Variants in CACNA1B observed in about 807,000 individuals in gnomAD.
CACNA1B encodes calcium voltage-gated channel subunit alpha1 B, also known as voltage-dependent N-type calcium channel subunit alpha-1B.
A neutral mutation model predicts 247.2 loss-of-function variants in CACNA1B; 70 were observed. That is an observed-to-expected ratio of 0.28 (90% CI 0.23 to 0.35). The LOEUF (loss-of-function observed/expected upper bound fraction) is 0.35. Ranked by LOEUF, CACNA1B falls within the 10% of genes least tolerant of loss-of-function variation. The pLI is 1.00. For synonymous variants in CACNA1B, 1,231 were observed against 1,294.4 expected (o/e 0.95, Z 1.05); for missense variants, 2,367 against 3,197.4 (o/e 0.74, Z 6.26).
intron 42 of CACNA1B, 34 bp from the exon 43 acceptor site, chr9:138,117,912 C>T (rs200913308): frequency 6.6e-7 from 1 of 1,525,420 alleles, no homozygotes; most frequent in Non-Finnish European, 8.9e-7. Context: ...CAGTCTCTGA[C>T]CCTACAGGAA....
intron 19 of CACNA1B, among the ~76,000 whole-genome samples, chr9:138,024,422 C>A (rs1356042269): frequency 1.3e-5 from 2 of 152,224 alleles, no homozygotes; most frequent in Non-Finnish European, 2.9e-5. Flanking sequence ...CCGCTGGAGG[C>A]CCCAGCCCAG....
chr9:138,083,447 C>T (rs953283678), intron 36 of CACNA1B, among the ~76,000 whole-genome samples: 1 of 150,894 alleles, frequency 6.6e-6, no homozygotes, highest in African/African-American at 2.5e-5. Context: ...CTTGGCCACT[C>T]AGAGCGGTCA....
intron 5 of CACNA1B, among the ~76,000 whole-genome samples, chr9:137,916,916 G>A (rs531057375): frequency 3.3e-5 from 5 of 152,122 alleles, no homozygotes; most frequent in Admixed American, 6.5e-5. Context: ...AGGGTGGTGG[G>A]AAGAATGGGA....
At chr9:137,931,818 T>C (rs1203348727) in intron 6 of CACNA1B, among the ~76,000 whole-genome samples, 1 of 152,062 alleles carries the variant, frequency 6.6e-6, no homozygotes, top group Non-Finnish European at 1.5e-5. Context: ...AATGAATTTG[T>C]TTAAGAGATT....
At chr9:137,958,431 A>T (rs1957973952) in intron 10 of CACNA1B, among the ~76,000 whole-genome samples, 1 of 152,180 alleles carries the variant, frequency 6.6e-6, no homozygotes, top group Non-Finnish European at 1.5e-5. Context: ...AAATGATTTC[A>T]TACAAACTTT....
Position 138,073,409 on chromosome 9 carries a change from A to C in CACNA1B, c.4675-79A>C. 1 of 798,814 alleles carries C rather than the reference A, an allele frequency of 1.3e-6. No individual in the cohort carries two copies. Among genetic ancestry groups the C allele is most frequent in the Non-Finnish European group, 2.2e-6 (1 of 450,802 alleles). 49.5% of individuals were successfully genotyped at this position (798,814 alleles called of 1,614,324 possible). On this transcript the variant is annotated intron_variant, in intron 32 of 46. Coordinates refer to ENST00000371372, the MANE Select transcript of CACNA1B (RefSeq NM_000718.4). The surrounding 1 kb of genome is among the most constrained non-coding windows in gnomAD (Gnocchi z 6.4). ...TTCTTTGGGGCCACAGGGATGTGGG[A>C]AGAGGTTGTAGGGTGGCAGCAGCTT...
intron 15 of CACNA1B, among the ~76,000 whole-genome samples, chr9:138,000,452 A>G (rs1172368008): frequency 6.6e-6 from 1 of 152,128 alleles, no homozygotes. Context: ...CTCAAGAAGA[A>G]ATTTTGAAAA....
intron 34 of CACNA1B, 77 bp from the exon 35 acceptor site, chr9:138,075,742 C>A: frequency 2.2e-6 from 2 of 914,296 alleles, no homozygotes; most frequent in Non-Finnish European, 1.8e-6. Flanking sequence ...GGCTCGCACG[C>A]CCTCTCTGGC....
At chr9:138,101,922 G>A (rs1961265252) in intron 37 of CACNA1B, among the ~76,000 whole-genome samples, 1 of 152,180 alleles carries the variant, frequency 6.6e-6, no homozygotes. Context: ...GGAAGACTCT[G>A]TCATCGGAGC....
chr9:137,916,270 C>A (rs1489649302), intron 5 of CACNA1B, among the ~76,000 whole-genome samples: 6 of 152,108 alleles, frequency 3.9e-5, no homozygotes, highest in Non-Finnish European at 7.4e-5. Flanking sequence ...TGAGCTCAGA[C>A]AATCTGCCCA....
At chr9:137,936,108 C>T (rs1013650378) in intron 6 of CACNA1B, among the ~76,000 whole-genome samples, 2 of 152,196 alleles carry the variant, frequency 1.3e-5, no homozygotes, top group African/African-American at 4.8e-5. Context: ...CCGCCCGCCT[C>T]GGCCTCCCAA....
At chr9:138,096,413 A>G (rs897388663) in intron 36 of CACNA1B, 71 bp from the exon 37 acceptor site, 31 of 1,262,774 alleles carry the variant, frequency 2.5e-5, no homozygotes, top group Non-Finnish European at 3.3e-5. Flanking sequence ...CACACTGGAG[A>G]GTGGTGGGGG....
At chr9:138,090,962 C>T (rs571905296) in intron 36 of CACNA1B, among the ~76,000 whole-genome samples, 2 of 152,008 alleles carry the variant, frequency 1.3e-5, no homozygotes, top group Admixed American at 6.5e-5. Flanking sequence ...AACTCTTATA[C>T]ACTCTTGGTA....
rs965131040 is a variant in CACNA1B at position 137,954,800 on chromosome 9, G to A, written c.1071-898G>A. On this transcript the variant is annotated intron_variant, in intron 7 of 46. Coordinates refer to ENST00000371372, the MANE Select transcript of CACNA1B (RefSeq NM_000718.4). The surrounding 1 kb of genome is among the most constrained non-coding windows in gnomAD (Gnocchi z 4.1). ...GGTCAGAGCCGGGGATTGTTGCACC[G>A]GGGCTGTGTGTGCTGGGAGTCATAC... Among the ~76,000 whole-genome samples, 2 of 151,284 alleles carry A rather than the reference G, an allele frequency of 1.3e-5. No homozygotes were observed. The highest frequency in any genetic ancestry group is 2.9e-5 in the Non-Finnish European group (2 of 67,954).
Position 138,113,271 on chromosome 9 carries a change from A to G in CACNA1B, c.5536+766A>G, listed in dbSNP as rs118143684. 0.013 allele frequency among the ~76,000 whole-genome samples: 1,629 copies of G among 122,176 alleles called. 106 individuals carry two copies. In the East Asian group the frequency reaches 0.21, roughly 15 times the overall value. 80.2% of individuals were successfully genotyped at this position (122,176 alleles called of 152,430 possible). On this transcript the variant is annotated intron_variant, in intron 40 of 46. Transcript: ENST00000371372. ...ACTGGGAGGTGCCCAACTCCATCTT[A>G]TGGGATACATGAGGGAGCACAATGA...
At position 138,122,132 on chromosome 9, in the gene CACNA1B, C is replaced by T. The variant is rs1468834662; in HGVS notation, c.*133C>T. 7.2e-6 allele frequency: 5 copies of T among 696,052 alleles called. No individual in the cohort carries two copies. Among genetic ancestry groups the T allele is most frequent in the Non-Finnish European group, 1.2e-5 (5 of 423,664 alleles). The allele number at this position is 696,052 out of a possible 1,614,324, so 43.1% of individuals were successfully genotyped here. A position where few individuals can be genotyped will look rare whatever the true frequency, so the allele number is the denominator to read the frequency against. On this transcript the variant is annotated 3_prime_UTR_variant, in exon 47 of 47. Transcript: ENST00000371372. ...TTGGTGAGGCTCCTGTGGCCCCTCC[C>T]TCCCCCTCCTCCCCTCTTTTACTCT...
At chr9:137,886,689 C>T (rs1212041560) in intron 3 of CACNA1B, among the ~76,000 whole-genome samples, 4 of 150,912 alleles carry the variant, frequency 2.7e-5, no homozygotes, top group African/African-American at 7.3e-5. Context: ...GGCGGGTGGA[C>T]GGATGACCAG....
chr9:138,049,217 C>G lies in CACNA1B; in HGVS notation c.3612C>G (p.Asp1204Glu). 2 of 1,608,632 alleles carry G rather than the reference C, an allele frequency of 1.2e-6. No homozygotes were observed. The highest frequency in any genetic ancestry group is 1.7e-6 in the Non-Finnish European group (2 of 1,174,948). Residue 1204 changes from aspartate to glutamate, a missense_variant, in exon 24 of 47, where the codon GAC (aspartate) becomes GAG (glutamate). Asp to Glu is a conservative substitution (Grantham distance 45). Coordinates refer to ENST00000371372, the MANE Select transcript of CACNA1B (RefSeq NM_000718.4). ...GTGTTTCTCCCTCCTAGATGATCGACTTGGGACTGCTGCTTCACCCTGGAG... is the reference window on the plus strand; with the variant it reads ...GTGTTTCTCCCTCCTAGATGATCGAGTTGGGACTGCTGCTTCACCCTGGAG... ...FTFEMVIKMI[D>E]LGLLLHPGAY...
At position 137,990,575 on chromosome 9, in the gene CACNA1B, C is replaced by T. The variant is rs1292370698; in HGVS notation, c.1974+3721C>T. 2.0e-5 allele frequency among the ~76,000 whole-genome samples: 3 copies of T among 152,116 alleles called. No homozygotes were observed. The highest frequency in any genetic ancestry group is 4.4e-5 in the Non-Finnish European group (3 of 68,030). ...CCAGCACACTTAACAAAAATACAGC[C>T]GAGGACCCTCACAGAGTCCACTTCA... On this transcript the variant is annotated intron_variant, in intron 15 of 46. Coordinates refer to ENST00000371372, the MANE Select transcript of CACNA1B (RefSeq NM_000718.4). This position sits in a 1 kb window ranked among gnomAD's most constrained non-coding sequence, Gnocchi z 4.5.
Sources: allele counts gnomAD v4.1 joint callset (sites outside exome capture counted in the v4.1 genomes callset), GRCh38; gene constraint gnomAD v4.1.1; non-coding constraint Gnocchi (gnomAD v3.1); transcripts MANE v1.5; gene names NCBI Gene and HGNC (gene_info 2026-07-23, HGNC 2026-07-21).